Variants in CDH13 observed in about 807,000 individuals in gnomAD.
CDH13 encodes the protein cadherin-13.
CDH13 carries 24 observed loss-of-function variants against 63.8 expected under a neutral mutation model. That is an observed-to-expected ratio of 0.38 (90% CI 0.27 to 0.53). The LOEUF (loss-of-function observed/expected upper bound fraction) is 0.53, where lower values mean the gene tolerates loss of function less well. Among genes scored for constraint, CDH13 ranks in the 20% least tolerant of loss-of-function variants. The pLI is 0.85. For synonymous variants in CDH13, 503 were observed against 355.3 expected (o/e 1.42, Z -4.67); for missense variants, 1,049 against 903.1 (o/e 1.16, Z -2.07).
chr16:82,736,095 C>G (rs766625751), intron 1 of CDH13, among the ~76,000 whole-genome samples: 29 of 152,154 alleles, frequency 1.9e-4, no homozygotes, highest in Non-Finnish European at 3.8e-4. Context: ...CCTGAGTTTC[C>G]AAACTAGTCA....
At chr16:82,754,827 C>A (rs1007262803) in intron 1 of CDH13, among the ~76,000 whole-genome samples, 10 of 152,162 alleles carry the variant, frequency 6.6e-5, no homozygotes, top group Non-Finnish European at 1.0e-4. Flanking sequence ...AAAATCCAAA[C>A]CTTAACTAGT....
intron 2 of CDH13, among the ~76,000 whole-genome samples, chr16:82,957,601 C>T (rs892586741): frequency 6.6e-6 from 1 of 152,220 alleles, no homozygotes; most frequent in Non-Finnish European, 1.5e-5. Flanking sequence ...GCTGAACAAA[C>T]ATGCAGGGCA....
At chr16:83,220,403 T>C (rs2039662344) in intron 5 of CDH13, among the ~76,000 whole-genome samples, 1 of 152,184 alleles carries the variant, frequency 6.6e-6, no homozygotes, top group African/African-American at 2.4e-5. Flanking sequence ...ATCCATGGTA[T>C]TCATGGTAGT....
intron 3 of CDH13, among the ~76,000 whole-genome samples, chr16:83,110,705 G>C (rs754989180): frequency 6.6e-6 from 1 of 152,032 alleles, no homozygotes; most frequent in African/African-American, 2.4e-5. Context: ...TTCCAACTCA[G>C]ACATCTCTGG....
intron 8 of CDH13, among the ~76,000 whole-genome samples, chr16:83,655,914 A>G (rs1297954574): frequency 6.6e-6 from 1 of 152,198 alleles, no homozygotes; most frequent in African/African-American, 2.4e-5. Flanking sequence ...AGATAATCAA[A>G]TTACCTGAGC....
chr16:83,613,840 A>AT (rs34741450), intron 8 of CDH13, among the ~76,000 whole-genome samples: 29,384 of 151,934 alleles, frequency 0.19, 3,058 homozygotes, highest in African/African-American at 0.26. Flanking sequence ...CTCAAAAAAA[A>AT]TTTTTTTTAA....
chr16:82,787,969 T>C (rs1485199415), intron 1 of CDH13, among the ~76,000 whole-genome samples: 1 of 151,840 alleles, frequency 6.6e-6, no homozygotes, highest in Non-Finnish European at 1.5e-5. Flanking sequence ...GAGGATGGTG[T>C]CACTGTGTCC....
At chr16:83,402,838 C>G (rs1400770061) in intron 6 of CDH13, among the ~76,000 whole-genome samples, 4 of 152,044 alleles carry the variant, frequency 2.6e-5, no homozygotes, top group South Asian at 2.1e-4. Flanking sequence ...ACTATATTTT[C>G]TTTTCTGTCC....
At chr16:82,988,508 T>C (rs1333249227) in intron 2 of CDH13, among the ~76,000 whole-genome samples, 2 of 152,004 alleles carry the variant, frequency 1.3e-5, no homozygotes, top group African/African-American at 4.8e-5. Flanking sequence ...ACACATGTAA[T>C]CCCAGCAGTT....
intron 6 of CDH13, among the ~76,000 whole-genome samples, chr16:83,404,165 A>G (rs2092008561): frequency 1.3e-5 from 2 of 152,234 alleles, no homozygotes; most frequent in African/African-American, 4.8e-5. Flanking sequence ...AAAGAGTCAA[A>G]TACAAAATGA....
chr16:82,725,160 G>A (rs1288239759), intron 1 of CDH13, among the ~76,000 whole-genome samples: 2 of 152,112 alleles, frequency 1.3e-5, no homozygotes, highest in Non-Finnish European at 2.9e-5. Flanking sequence ...TGACAGTTGT[G>A]CTAATGGCGA....
At chr16:83,270,954 C>G (rs1478819187) in intron 5 of CDH13, among the ~76,000 whole-genome samples, 4 of 148,830 alleles carry the variant, frequency 2.7e-5, no homozygotes, top group Non-Finnish European at 6.0e-5. Flanking sequence ...CTCCCTCCCT[C>G]CTTTCTTCCT....
intron 5 of CDH13, among the ~76,000 whole-genome samples, chr16:83,322,666 C>G (rs1356926211): frequency 2.6e-5 from 4 of 152,096 alleles, no homozygotes; most frequent in Non-Finnish European, 4.4e-5. Context: ...AGGATGAACT[C>G]TGGGACTGTC....
intron 6 of CDH13, among the ~76,000 whole-genome samples, chr16:83,461,177 A>G (rs2073172250): frequency 6.6e-6 from 1 of 152,088 alleles, no homozygotes; most frequent in African/African-American, 2.4e-5. Flanking sequence ...ATACCTTGCT[A>G]TATGTTGTAT....
chr16:83,297,575 G>A (rs909864855), intron 5 of CDH13, among the ~76,000 whole-genome samples: 3 of 151,824 alleles, frequency 2.0e-5, no homozygotes, highest in African/African-American at 7.3e-5. Context: ...TTTCATGTTG[G>A]GCTTGGGCAC....
At chr16:83,683,423 C>G (rs1385564347) in intron 10 of CDH13, among the ~76,000 whole-genome samples, 1 of 152,178 alleles carries the variant, frequency 6.6e-6, no homozygotes, top group South Asian at 2.1e-4. Context: ...GGATCTGTCT[C>G]CCTCAATCAC....
At chr16:82,752,266 G>C (rs962037202) in intron 1 of CDH13, among the ~76,000 whole-genome samples, 5 of 152,164 alleles carry the variant, frequency 3.3e-5, no homozygotes, top group African/African-American at 1.2e-4. Context: ...ACTAATAGTG[G>C]ATTTCTCCGG....
At chr16:83,241,485 A>T in intron 5 of CDH13, among the ~76,000 whole-genome samples, 1 of 152,152 alleles carries the variant, frequency 6.6e-6, no homozygotes, top group Non-Finnish European at 1.5e-5. Context: ...ATGTCTTTTC[A>T]ATACTTACTC....
chr16:83,452,846 C>T (rs986263047), intron 6 of CDH13, among the ~76,000 whole-genome samples: 3 of 152,144 alleles, frequency 2.0e-5, no homozygotes, highest in Non-Finnish European at 2.9e-5. Flanking sequence ...ATCTCTTTCT[C>T]ATATTATTAG....
Sources: allele counts gnomAD v4.1 joint callset (sites outside exome capture counted in the v4.1 genomes callset), GRCh38; gene constraint gnomAD v4.1.1; transcripts MANE v1.5; gene names NCBI Gene and HGNC (gene_info 2026-07-23, HGNC 2026-07-21).